The following FAM167A variants were observed in gnomAD, a reference collection of about 807,000 sequenced individuals.
The protein encoded by FAM167A is protein FAM167A.
In FAM167A, 23 loss-of-function variants were observed where a neutral mutation model predicts 14.9. The observed-to-expected ratio is 1.55, with a 90% CI of 1.11 to 2.19. FAM167A has a LOEUF of 2.19. Among genes scored for constraint, FAM167A ranks in the 30% most tolerant of loss-of-function variants. FAM167A has a pLI of 0.00. For synonymous variants in FAM167A, 174 were observed against 117.7 expected, an observed-to-expected ratio of 1.48 and a Z score of -3.10; for missense variants, 401 against 281.5, an observed-to-expected ratio of 1.42 and a Z score of -3.04.
rs1804760309 is a variant in FAM167A at position 11,421,957 on chromosome 8, A to G, written c.*2416T>C. 7.5e-6 allele frequency: 3 copies of G among 397,668 alleles called. No individual in the cohort carries two copies. Among genetic ancestry groups the G allele is most frequent in the Non-Finnish European group, 4.4e-6 (1 of 225,862 alleles). 24.6% of individuals were successfully genotyped at this position (397,668 alleles called of 1,614,324 possible). ...CTGTGCAAAGTAAGGAAGCCAGTCAACACTGGACGATGTTTAGAAAACATC... is the reference window on the plus strand; with the variant it reads ...CTGTGCAAAGTAAGGAAGCCAGTCAGCACTGGACGATGTTTAGAAAACATC... On this transcript the variant is annotated 3_prime_UTR_variant, in exon 3 of 3. Transcript: ENST00000284486.
rs1804980419 is a variant in FAM167A, at chr8:11,424,379, G to A, written c.639C>T (p.Leu213=). 2 of 1,613,980 alleles carry A rather than the reference G, an allele frequency of 1.2e-6. No homozygotes were observed. The highest frequency in any genetic ancestry group is 1.3e-5 in the African/African-American group (1 of 74,896). ...KMNINSRRFS[L]C ...CGCCCAGTCTGAGGGCTCCTCAGCA[G>A]AGAGAGAACCTCCGAGAGTTGATGT... Residue 213 remains leucine, a synonymous_variant, in exon 3 of 3, where the codon CTC becomes CTT. Transcript: ENST00000284486.
chr8:11,438,345 T>C (rs960042450), intron 2 of FAM167A: 1 of 435,056 alleles, frequency 2.3e-6, no homozygotes, highest in South Asian at 1.7e-5. Flanking sequence ...ACTCATCAGC[T>C]CTCACATCAA....
rs555807620 is a variant in FAM167A, at chr8:11,439,415, C to G, written c.381+4616G>C. 2.0e-4 allele frequency among the ~76,000 whole-genome samples: 31 copies of G among 152,374 alleles called. 2 individuals carry two copies. In the South Asian group the frequency reaches 6.4e-3, roughly 32 times the overall value. On this transcript the variant is annotated intron_variant, in intron 2 of 2. Coordinates refer to ENST00000284486, the MANE Select transcript of FAM167A (RefSeq NM_053279.3). ...TCCCCTGACATACCAGAGTCTTGTG[C>G]ATACCAAGCAGGCAGCACAGGCAAC... is the stretch of plus-strand genomic sequence containing the variant.
intron 2 of FAM167A, among the ~76,000 whole-genome samples, chr8:11,426,047 C>T (rs144803818): frequency 6.6e-6 from 1 of 152,182 alleles, no homozygotes; most frequent in African/African-American, 2.4e-5. Context: ...AGGCTTCTAC[C>T]TGGAGGCTTC....
At chr8:11,451,394 G>C (rs1807022275) in intron 1 of FAM167A, among the ~76,000 whole-genome samples, 1 of 132,998 alleles carries the variant, frequency 7.5e-6, no homozygotes. Flanking sequence ...CAGCTACTTG[G>C]AGATGGGGTT....
intron 2 of FAM167A, chr8:11,438,495 AGAG>A: frequency 2.2e-6 from 1 of 457,362 alleles, no homozygotes. Flanking sequence ...TTGGCAAGGG[AGAG>A]AAGAGCCTGG....
chr8:11,452,080 G>A (rs1043379777), intron 1 of FAM167A, among the ~76,000 whole-genome samples: 3 of 152,130 alleles, frequency 2.0e-5, no homozygotes, highest in African/African-American at 4.8e-5. Context: ...ACCATTCCAC[G>A]TGTCCCTTGG....
At chr8:11,462,015 C>T (rs1349089021) in intron 1 of FAM167A, among the ~76,000 whole-genome samples, 1 of 152,226 alleles carries the variant, frequency 6.6e-6, no homozygotes, top group Non-Finnish European at 1.5e-5. Flanking sequence ...CTGCCCAGTG[C>T]AGCCTGTAAG....
Position 11,448,749 on chromosome 8 carries a change from C to T in FAM167A, c.-397-3941G>A, listed in dbSNP as rs576891278. On this transcript the variant is annotated intron_variant, in intron 1 of 2. Coordinates refer to ENST00000284486, the MANE Select transcript of FAM167A (RefSeq NM_053279.3). ...GCTCACATTGTGAATGCCCCGCCCA[C>T]GGCTCGGGGTGTTGGAGAGACTCCA... 6.4e-4 allele frequency among the ~76,000 whole-genome samples: 97 copies of T among 152,374 alleles called. 1 individual carries two copies. The highest frequency in any genetic ancestry group is 3.1e-3 in the East Asian group (16 of 5,190).
At chr8:11,426,732 TTTGATCAGCCTTTGG>T (rs1458294218) in intron 2 of FAM167A, among the ~76,000 whole-genome samples, 2 of 152,214 alleles carry the variant, frequency 1.3e-5, no homozygotes, top group Non-Finnish European at 2.9e-5. Flanking sequence ...CTTTTGGGTC[TTTGATCAGCCTTTGG>T]TTGATCAGTC....
chr8:11,445,821 T>A (rs78298192), intron 1 of FAM167A, among the ~76,000 whole-genome samples: 52 of 149,352 alleles, frequency 3.5e-4, no homozygotes, highest in South Asian at 6.3e-4. Flanking sequence ...GGGTGTGTTT[T>A]AAAAAAAAAA....
upstream of FAM167A, chr8:11,467,652 G>C (rs1487319169): frequency 6.6e-6 from 1 of 152,442 alleles, no homozygotes; most frequent in Non-Finnish European, 1.5e-5. Flanking sequence ...AAGCTGAGTG[G>C]TGGGGCTGCA....
At chr8:11,471,156 G>A (rs966530781), upstream of FAM167A, among the ~76,000 whole-genome samples, 5 of 152,212 alleles carry the variant, frequency 3.3e-5, no homozygotes, top group African/African-American at 7.2e-5. Context: ...GTGAGGCGGA[G>A]GAGTGGGCTT....
At chr8:11,425,968 G>A (rs1805112757) in intron 2 of FAM167A, among the ~76,000 whole-genome samples, 1 of 152,122 alleles carries the variant, frequency 6.6e-6, no homozygotes, top group Admixed American at 6.5e-5. Flanking sequence ...CCAAGATCTA[G>A]GAGAGATTAA....
chr8:11,427,592 T>C (rs1488192465), intron 2 of FAM167A, among the ~76,000 whole-genome samples: 3 of 152,238 alleles, frequency 2.0e-5, no homozygotes, highest in Admixed American at 6.5e-5. Context: ...GTTAGGTTTA[T>C]AATAGAGCAC....
At chr8:11,459,994 C>T (rs1010088010) in intron 1 of FAM167A, among the ~76,000 whole-genome samples, 4 of 152,230 alleles carry the variant, frequency 2.6e-5, no homozygotes, top group African/African-American at 9.6e-5. Flanking sequence ...TCCCAAAGTG[C>T]TGCGATTACA....
chr8:11,475,420 G>C (rs1301127443), intron 1 of FAM167A, among the ~76,000 whole-genome samples: 1 of 152,088 alleles, frequency 6.6e-6, no homozygotes, highest in South Asian at 2.1e-4. Context: ...CCCACCCCCA[G>C]CTGGGCCTTC....
intron 1 of FAM167A, chr8:11,445,139 T>A: frequency 1.0e-6 from 1 of 984,960 alleles, no homozygotes; most frequent in Non-Finnish European, 1.2e-6. Flanking sequence ...AGAAGTTAAA[T>A]GACTCACCGA....
At position 11,436,808 on chromosome 8, in the gene FAM167A, A is replaced by AGC. The variant is rs1806050252; in HGVS notation, c.381+7221_381+7222dup. On this transcript the variant is annotated intron_variant, in intron 2 of 2. Transcript: ENST00000284486. Reference sequence around the variant, plus strand: ...TATCCCCTGCTTTGGAAACAGATGTAGCGGGAGCTTCACATCTGATGCTGA... The same window carrying AGC: ...TATCCCCTGCTTTGGAAACAGATGTAGCGCGGGAGCTTCACATCTGATGCTGA... Among the ~76,000 whole-genome samples the AGC allele has an allele frequency of 2.0e-5, 3 of 152,162 alleles. 1 individual carries two copies. The South Asian group carries it at 6.2e-4, about 31-fold the overall frequency.
Sources: gnomAD v4.1 joint callset for allele counts (sites outside exome capture counted in the v4.1 genomes callset) on GRCh38, gnomAD v4.1.1 for gene constraint, MANE v1.5 for transcripts, NCBI Gene and HGNC (gene_info 2026-07-23, HGNC 2026-07-21) for gene names.